Variants in MARCHF2 observed in about 807,000 individuals in gnomAD.
The protein encoded by MARCHF2 is membrane associated ring-CH-type finger 2.
Under a neutral mutation model 24.0 loss-of-function variants are expected in MARCHF2, and 22 were observed. That is an observed-to-expected ratio of 0.92 (90% CI 0.66 to 1.31). MARCHF2 has a LOEUF of 1.31. Among genes scored for constraint, MARCHF2 ranks in the 50% most tolerant of loss-of-function variants. MARCHF2 has a pLI of 0.00. For missense variants in MARCHF2, 301 were observed against 335.3 expected (o/e 0.90, Z 0.80); for synonymous variants, 154 against 153.0 (o/e 1.01, Z -0.05).
At chr19:8,426,293 G>GGTAT (rs1967400701) in intron 2 of MARCHF2, among the ~76,000 whole-genome samples, 1 of 151,626 alleles carries the variant, frequency 6.6e-6, no homozygotes. Context: ...AATCAGGGTG[G>GGTAT]GTATTTTAGG....
chr19:8,415,818 C>G (rs1039712834), intron 1 of MARCHF2, among the ~76,000 whole-genome samples: 6 of 151,516 alleles, frequency 4.0e-5, no homozygotes, highest in Admixed American at 3.3e-4. Flanking sequence ...CTGGAGCCAT[C>G]AGATCACTCT....
intron 2 of MARCHF2, among the ~76,000 whole-genome samples, chr19:8,425,544 C>A (rs1406552814): frequency 6.6e-6 from 1 of 152,008 alleles, no homozygotes; most frequent in African/African-American, 2.4e-5. Context: ...CTGCTCCCGG[C>A]CTGGTGTTCT....
intron 4 of MARCHF2, among the ~76,000 whole-genome samples, chr19:8,435,767 T>C (rs1395173861): frequency 6.6e-6 from 1 of 151,694 alleles, no homozygotes; most frequent in Non-Finnish European, 1.5e-5. Context: ...CTTAAACTCC[T>C]GGGCTCAAAC....
chr19:8,430,261 G>A lies in MARCHF2; in HGVS notation c.373-397G>A, dbSNP rs1057098325. 6.6e-6 allele frequency among the ~76,000 whole-genome samples: 1 copy of A among 152,152 alleles called. No homozygotes were observed. Among genetic ancestry groups the A allele is most frequent in the Non-Finnish European group, 1.5e-5 (1 of 68,018 alleles). ...GCCTATAATCCCAGCTACTCGGGAG[G>A]CTGAGGTGGGAGAATCGCTTGAACC... is the stretch of plus-strand genomic sequence containing the variant. On this transcript the variant is annotated intron_variant, in intron 3 of 4. Transcript: ENST00000215555. The surrounding 1 kb of genome is among the most constrained non-coding windows in gnomAD (Gnocchi z 4.4).
intron 1 of MARCHF2, among the ~76,000 whole-genome samples, chr19:8,415,037 C>G (rs1476076921): frequency 6.6e-6 from 1 of 152,154 alleles, no homozygotes; most frequent in African/African-American, 2.4e-5. Context: ...GTAGGTGCCT[C>G]TCTCCGAGCT....
At position 8,421,867 on chromosome 19, in the gene MARCHF2, C is replaced by T. The variant is rs760383722; in HGVS notation, c.27C>T (p.Leu9=). Residue 9 remains leucine (L), a synonymous_variant, in exon 2 of 5, where the codon CTC becomes CTT. Coordinates refer to ENST00000215555, the MANE Select transcript of MARCHF2 (RefSeq NM_001005415.2). MTTGDCCH[L]PGSLCDCSGS... The stretch of plus-strand genomic sequence containing the variant: ...TGACGACGGGTGACTGCTGCCACCT[C>T]CCCGGCTCCCTGTGTGACTGCTCCG... The T allele has an allele frequency of 4.3e-6, 7 of 1,612,150 alleles. No homozygotes were observed. In the African/African-American group the frequency reaches 9.3e-5, roughly 22 times the overall value.
At chr19:8,417,857 G>A (rs1967125570) in intron 1 of MARCHF2, among the ~76,000 whole-genome samples, 1 of 140,750 alleles carries the variant, frequency 7.1e-6, no homozygotes, top group Admixed American at 7.8e-5. Context: ...CTGCCTCCCA[G>A]GTTCAAGTGA....
chr19:8,430,594 C>A lies in MARCHF2; in HGVS notation c.373-64C>A. The A allele has an allele frequency of 7.4e-7, 1 of 1,353,526 alleles. No homozygotes were observed. The highest frequency in any genetic ancestry group is 1.0e-6 in the Non-Finnish European group (1 of 959,210). 83.8% of individuals were successfully genotyped at this position (1,353,526 alleles called of 1,614,324 possible). Reference sequence around the variant, plus strand: ...GGAGGCCTAGGCCTGGAGGTCCTTACCCCTCCCCCTCAGTAGCCCCTTCTC... The same window carrying A: ...GGAGGCCTAGGCCTGGAGGTCCTTAACCCTCCCCCTCAGTAGCCCCTTCTC... On this transcript the variant is annotated intron_variant, in intron 3 of 4. Coordinates refer to ENST00000215555, the MANE Select transcript of MARCHF2 (RefSeq NM_001005415.2). This position sits in a 1 kb window ranked among gnomAD's most constrained non-coding sequence, Gnocchi z 4.4.
At chr19:8,423,176 C>T (rs1383052521) in intron 2 of MARCHF2, among the ~76,000 whole-genome samples, 2 of 151,168 alleles carry the variant, frequency 1.3e-5, no homozygotes, top group Non-Finnish European at 2.9e-5. Flanking sequence ...TCTCCTGCCT[C>T]AGCCTCCCAA....
chr19:8,424,942 C>G (rs1370749995), intron 2 of MARCHF2, among the ~76,000 whole-genome samples: 1 of 152,106 alleles, frequency 6.6e-6, no homozygotes, highest in African/African-American at 2.4e-5. Context: ...TGGTCTCACT[C>G]TGTTGTCCAA....
chr19:8,438,210 C>T (rs894565725), intron 4 of MARCHF2, among the ~76,000 whole-genome samples, 178 bp from the exon 5 acceptor site: 1 of 152,048 alleles, frequency 6.6e-6, no homozygotes, highest in African/African-American at 2.4e-5. Context: ...GTGGGTGTCA[C>T]CAGGAGTGTG....
At position 8,417,337 on chromosome 19, in the gene MARCHF2, G is replaced by A. The variant is rs138503311; in HGVS notation, c.-53+3917G>A. Among the ~76,000 whole-genome samples the A allele has an allele frequency of 4.3e-3, 652 of 152,250 alleles. 2 individuals are homozygous for A. The highest frequency in any genetic ancestry group is 0.015 in the African/African-American group (618 of 41,576). ...AACACAGCTGTAGTCCCAGCTACTCGACAGGCTGAAGCAGGAGAATTGCTT... is the reference window on the plus strand; with the variant it reads ...AACACAGCTGTAGTCCCAGCTACTCAACAGGCTGAAGCAGGAGAATTGCTT... On this transcript the variant is annotated intron_variant, in intron 1 of 4. Coordinates refer to ENST00000215555, the MANE Select transcript of MARCHF2 (RefSeq NM_001005415.2).
rs1967567812 is a variant in MARCHF2, at chr19:8,430,982, T to C, written c.582+115T>C. Reference sequence around the variant, plus strand: ...GGGGCTCCCTGGCTGCCTCTGTCTATGGCCGTGGGTGGAAGAGAGCTTCTG... The same window carrying C: ...GGGGCTCCCTGGCTGCCTCTGTCTACGGCCGTGGGTGGAAGAGAGCTTCTG... On this transcript the variant is annotated intron_variant, in intron 4 of 4. Coordinates refer to ENST00000215555, the MANE Select transcript of MARCHF2 (RefSeq NM_001005415.2). This position sits in a 1 kb window ranked among gnomAD's most constrained non-coding sequence, Gnocchi z 4.4. 2 of 1,031,188 alleles carry C rather than the reference T, an allele frequency of 1.9e-6. No individual in the cohort carries two copies. Among genetic ancestry groups the C allele is most frequent in the East Asian group, 2.6e-5 (1 of 38,286 alleles). The allele number at this position is 1,031,188 out of a possible 1,614,324, so 63.9% of individuals were successfully genotyped here.
chr19:8,421,940 C>G lies in MARCHF2; in HGVS notation c.100C>G (p.Pro34Ala). The G allele has an allele frequency of 1.9e-6, 3 of 1,613,870 alleles. No homozygotes were observed. Among genetic ancestry groups the G allele is most frequent in the Non-Finnish European group, 2.5e-6 (3 of 1,179,936 alleles). Residue 34 changes from proline (P) to alanine (A), a missense_variant, in exon 2 of 5, where the codon CCC becomes GCC. Coordinates refer to ENST00000215555, the MANE Select transcript of MARCHF2 (RefSeq NM_001005415.2). ...KVVEATGLGP[P>A]QYVAQVTSRD... Reference sequence around the variant, plus strand: ...CGTGGAGGCTACGGGCCTCGGACCGCCCCAGTATGTGGCACAGGTGACTTC... The same window carrying G: ...CGTGGAGGCTACGGGCCTCGGACCGGCCCAGTATGTGGCACAGGTGACTTC...
intron 4 of MARCHF2, among the ~76,000 whole-genome samples, chr19:8,435,020 A>ATT (rs199880511): frequency 0.064 from 8,392 of 130,854 alleles, 646 homozygotes; most frequent in African/African-American, 0.17. Flanking sequence ...TTATTTTTTA[A>ATT]TTTTTTTTTT....
chr19:8,415,490 G>A lies in MARCHF2; in HGVS notation c.-53+2070G>A, dbSNP rs538736582. 1.5e-4 allele frequency among the ~76,000 whole-genome samples: 23 copies of A among 151,386 alleles called. No homozygotes were observed. In the East Asian group the frequency reaches 1.9e-3, roughly 13 times the overall value. ...TCCCAGCACTTTGGGAAGCCAAGGC[G>A]GGTGGATCACCTGAGATAAGGAGTT... On this transcript the variant is annotated intron_variant, in intron 1 of 4. Transcript: ENST00000215555.
At chr19:8,434,511 A>G (rs1967663604) in intron 4 of MARCHF2, among the ~76,000 whole-genome samples, 1 of 151,082 alleles carries the variant, frequency 6.6e-6, no homozygotes, top group Non-Finnish European at 1.5e-5. Flanking sequence ...GCAGCCACCC[A>G]GCAGACATTC....
chr19:8,419,102 T>C (rs1485680664), intron 1 of MARCHF2, among the ~76,000 whole-genome samples: 2 of 152,254 alleles, frequency 1.3e-5, no homozygotes, highest in African/African-American at 4.8e-5. Context: ...GGCTCACACC[T>C]GTAATCCCAG....
intron 1 of MARCHF2, among the ~76,000 whole-genome samples, chr19:8,418,152 C>T (rs75630517): frequency 0.011 from 1,689 of 152,272 alleles, 14 homozygotes; most frequent in Non-Finnish European, 0.018. Flanking sequence ...CCTGCCTTCC[C>T]GTAAAGAGCC....
Sources: allele counts gnomAD v4.1 joint callset (sites outside exome capture counted in the v4.1 genomes callset), GRCh38; gene constraint gnomAD v4.1.1; non-coding constraint Gnocchi (gnomAD v3.1); transcripts MANE v1.5; gene names NCBI Gene and HGNC (gene_info 2026-07-23, HGNC 2026-07-21).